The following CLCA2 variants were observed in gnomAD, a reference collection of about 807,000 sequenced individuals.
CLCA2 encodes the protein calcium-activated chloride channel regulator 2.
Under a neutral mutation model 82.9 loss-of-function variants are expected in CLCA2, and 85 were observed. That is an observed-to-expected ratio of 1.03 (90% CI 0.86 to 1.23). The LOEUF (loss-of-function observed/expected upper bound fraction) is 1.23, where lower values mean the gene tolerates loss of function less well. CLCA2 is among the 50% of genes most tolerant of loss of function. The pLI is 0.00. For missense variants in CLCA2, 1,089 were observed against 1,124.8 expected, an observed-to-expected ratio of 0.97 and a Z score of 0.45; for synonymous variants, 421 against 391.7, an observed-to-expected ratio of 1.07 and a Z score of -0.88.
chr1:86,437,392 G>A (rs1662635400), intron 6 of CLCA2, among the ~76,000 whole-genome samples: 1 of 152,148 alleles, frequency 6.6e-6, no homozygotes, highest in African/African-American at 2.4e-5. Context: ...TACTATGTGA[G>A]CACTGAAGAG....
rs183359827 is a variant in CLCA2, at chr1:86,440,831, G to A, written c.1381+506G>A. The stretch of plus-strand genomic sequence containing the variant: ...CAGGAGAATCACTAGAACTCAGGAG[G>A]CAGAGGTTGCAGTCACCTGAGATCA... On this transcript the variant is annotated intron_variant, in intron 8 of 13. Coordinates refer to ENST00000370565, the MANE Select transcript of CLCA2 (RefSeq NM_006536.7). 5.7e-3 allele frequency among the ~76,000 whole-genome samples: 875 copies of A among 152,222 alleles called. 7 individuals are homozygous for A. Among genetic ancestry groups the A allele is most frequent in the Middle Eastern group, 0.034 (10 of 294 alleles).
Position 86,428,517 on chromosome 1 carries a change from A to G in CLCA2, c.424A>G (p.Thr142Ala). Residue 142 changes from threonine (T) to alanine (A), a missense_variant, in exon 3 of 14, where the codon ACA becomes GCA. Thr to Ala is a moderately conservative substitution (Grantham distance 58). Coordinates refer to ENST00000370565, the MANE Select transcript of CLCA2 (RefSeq NM_006536.7). Reference sequence around the variant, plus strand: ...AAAAGAGGGAAAATACATTCATTTCACACCTAATTTCCTACTGAATGATAA... The same window carrying G: ...AAAAGAGGGAAAATACATTCATTTCGCACCTAATTTCCTACTGAATGATAA... ...CGKEGKYIHFTPNFLLNDNLT... is the reference protein window; with the variant it reads ...CGKEGKYIHFAPNFLLNDNLT... 6.2e-7 allele frequency: 1 copy of G among 1,613,794 alleles called. No individual in the cohort carries two copies. The highest frequency in any genetic ancestry group is 8.5e-7 in the Non-Finnish European group (1 of 1,179,768).
Position 86,444,025 on chromosome 1 carries a change from GTT to G in CLCA2, c.1713+16_1713+17del. ...GGAACAGCTAAGGTAGGTGTTGTGA[GTT>G]TGTTCCTAAGGACAACGTTCAACCA... On this transcript the variant is annotated intron_variant, in intron 10 of 13. Transcript: ENST00000370565. 6.5e-7 allele frequency: 1 copy of G among 1,546,106 alleles called. No individual in the cohort carries two copies. Among genetic ancestry groups the G allele is most frequent in the African/African-American group, 1.4e-5 (1 of 73,664 alleles).
chr1:86,451,766 T>G (rs561642119), intron 12 of CLCA2, among the ~76,000 whole-genome samples: 23 of 152,292 alleles, frequency 1.5e-4, no homozygotes, highest in African/African-American at 5.5e-4. Flanking sequence ...AGCTTCTGTG[T>G]GTCTCAGTTT....
chr1:86,438,889 T>C lies in CLCA2; in HGVS notation c.986T>C (p.Leu329Pro). Residue 329 changes from leucine (L) to proline (P), a missense_variant, in exon 7 of 14, where the codon CTT becomes CCT. By Grantham distance (98) the Leu-to-Pro change is moderately conservative (BLOSUM62 -3). Coordinates refer to ENST00000370565, the MANE Select transcript of CLCA2 (RefSeq NM_006536.7). ...SSKMAEADRL[L>P]QLQQAAEFYL... ...TTTGGGACATAGGCTGACAGACTCC[T>C]TCAACTACAACAAGCCGCAGAATTT... 1 of 1,614,068 alleles carries C rather than the reference T, an allele frequency of 6.2e-7. No homozygotes were observed. The highest frequency in any genetic ancestry group is 8.5e-7 in the Non-Finnish European group (1 of 1,179,958).
chr1:86,432,552 C>A, intron 5 of CLCA2, 24 bp downstream of exon 5: 1 of 1,608,498 alleles, frequency 6.2e-7, no homozygotes, highest in Non-Finnish European at 8.5e-7. Context: ...TGGAATGACA[C>A]ACTCTTGCAG....
intron 7 of CLCA2, among the ~76,000 whole-genome samples, chr1:86,439,857 T>C (rs955835054): frequency 3.3e-5 from 5 of 152,186 alleles, no homozygotes; most frequent in African/African-American, 1.2e-4. Flanking sequence ...ACTTACTGGA[T>C]CTCAGAGGCA....
chr1:86,445,733 T>C (rs927881215), intron 10 of CLCA2, among the ~76,000 whole-genome samples: 2 of 152,114 alleles, frequency 1.3e-5, no homozygotes, highest in Non-Finnish European at 2.9e-5. Context: ...TAAGATTTTC[T>C]GCATTCATTT....
At chr1:86,437,722 C>T (rs1662643313) in intron 6 of CLCA2, among the ~76,000 whole-genome samples, 1 of 151,958 alleles carries the variant, frequency 6.6e-6, no homozygotes, top group African/African-American at 2.4e-5. Context: ...GGGACCTGTT[C>T]AAGAATATGG....
chr1:86,447,063 C>A (rs1662867833), intron 10 of CLCA2, among the ~76,000 whole-genome samples: 1 of 152,018 alleles, frequency 6.6e-6, no homozygotes, highest in East Asian at 1.9e-4. Context: ...CCTTTTTAGT[C>A]CACGGTGTCC....
chr1:86,454,508 C>T (rs969273672), intron 13 of CLCA2, among the ~76,000 whole-genome samples: 1 of 152,096 alleles, frequency 6.6e-6, no homozygotes, highest in South Asian at 2.1e-4. Context: ...AATCACATAA[C>T]AGACCAGGCG....
intron 6 of CLCA2, among the ~76,000 whole-genome samples, chr1:86,437,493 G>A (rs1353356990): frequency 3.9e-5 from 6 of 152,154 alleles, no homozygotes; most frequent in African/African-American, 1.4e-4. Flanking sequence ...TCAACTAGGC[G>A]CTTGCTAGGT....
intron 13 of CLCA2, among the ~76,000 whole-genome samples, chr1:86,454,518 G>A (rs925082347): frequency 6.6e-6 from 1 of 152,156 alleles, no homozygotes; most frequent in Non-Finnish European, 1.5e-5. Context: ...CAGACCAGGC[G>A]CAGTGGCTCA....
chr1:86,450,477 G>A lies in CLCA2; in HGVS notation c.1985-86G>A, dbSNP rs973792343. On this transcript the variant is annotated intron_variant, in intron 11 of 13. Transcript: ENST00000370565. Reference sequence around the variant, plus strand: ...AATATATCTTATATAGAAAGAATAAGGGGAGTAAATCTCATTTTTAATGAC... The same window carrying A: ...AATATATCTTATATAGAAAGAATAAAGGGAGTAAATCTCATTTTTAATGAC... 4.9e-5 allele frequency: 50 copies of A among 1,018,914 alleles called. No homozygotes were observed. The Admixed American group carries it at 1.2e-3, about 25-fold the overall frequency. The allele number at this position is 1,018,914 out of a possible 1,614,324, so 63.1% of individuals were successfully genotyped here. A position where few individuals can be genotyped will look rare whatever the true frequency, so the allele number is the denominator to read the frequency against.
At chr1:86,432,071 G>A (rs988753831) in intron 4 of CLCA2, among the ~76,000 whole-genome samples, 8 of 152,048 alleles carry the variant, frequency 5.3e-5, no homozygotes, top group Admixed American at 1.3e-4. Flanking sequence ...CAGTAGCTAG[G>A]ATTACAGGTG....
chr1:86,439,528 C>T (rs966725115), intron 7 of CLCA2, among the ~76,000 whole-genome samples: 1 of 152,276 alleles, frequency 6.6e-6, no homozygotes, highest in Admixed American at 6.5e-5. Flanking sequence ...ATTAAGGCAA[C>T]ACATCACAAT....
chr1:86,454,024 A>G (rs1237167258), intron 13 of CLCA2, among the ~76,000 whole-genome samples: 1 of 152,094 alleles, frequency 6.6e-6, no homozygotes, highest in African/African-American at 2.4e-5. Flanking sequence ...TTTGTTTACT[A>G]CTTCTGGCCA....
At chr1:86,435,807 ACT>A (rs1351288378) in intron 6 of CLCA2, among the ~76,000 whole-genome samples, 3 of 152,002 alleles carry the variant, frequency 2.0e-5, no homozygotes, top group African/African-American at 7.2e-5. Flanking sequence ...AATACTCAAA[ACT>A]CATCACTTCT....
rs1662684017 is a variant in CLCA2, at chr1:86,439,710, A to T, written c.1204-438A>T. Among the ~76,000 whole-genome samples, 3 of 152,202 alleles carry T rather than the reference A, an allele frequency of 2.0e-5. No homozygotes were observed. In the South Asian group the frequency reaches 6.2e-4, roughly 32 times the overall value. On this transcript the variant is annotated intron_variant, in intron 7 of 13. Coordinates refer to ENST00000370565, the MANE Select transcript of CLCA2 (RefSeq NM_006536.7). ...TGAAATCACCTGGGGATTAAAAAAA[A>T]TACTAATGTGTGAGTCTAACCCCCA...
Sources: allele counts gnomAD v4.1 joint callset (sites outside exome capture counted in the v4.1 genomes callset), GRCh38; gene constraint gnomAD v4.1.1; transcripts MANE v1.5; gene names NCBI Gene and HGNC (gene_info 2026-07-23, HGNC 2026-07-21).